PVT1: variants seen among roughly 807,000 people sequenced by gnomAD.
The protein encoded by PVT1 is Pvt1 oncogene.
chr8:127,959,103 A>T (rs966016746), intron 3 of PVT1, among the ~76,000 whole-genome samples: 5 of 152,096 alleles, frequency 3.3e-5, no homozygotes, highest in African/African-American at 4.8e-5. Context: ...TCTAAGGGAG[A>T]AAGAGCAGAA....
chr8:127,843,761 T>C (rs1416283887), intron 2 of PVT1, among the ~76,000 whole-genome samples: 1 of 147,068 alleles, frequency 6.8e-6, no homozygotes, highest in Non-Finnish European at 1.5e-5. Flanking sequence ...GCTGTTTTTT[T>C]AATAGGAGGT....
At chr8:127,916,281 T>C (rs2129856675) in intron 3 of PVT1, among the ~76,000 whole-genome samples, 1 of 152,310 alleles carries the variant, frequency 6.6e-6, no homozygotes, top group South Asian at 2.1e-4. Context: ...ATGTGCATGA[T>C]GGTTATTGTT....
At position 127,914,260 on chromosome 8, in the gene PVT1, C is replaced by CAAAAAA. The variant is rs60359946; in HGVS notation, n.782+23297_782+23302dup. On this transcript the variant is annotated intron_variant and non_coding_transcript_variant, in intron 3 of 10. Transcript: ENST00000651587. ...AATTAAACACCACCACCACCAACAG[C>CAAAAAA]AAAAAAAAAAAAAAAAAAAAAAAAA... is the stretch of plus-strand genomic sequence containing the variant. 3.4e-3 allele frequency among the ~76,000 whole-genome samples: 165 copies of CAAAAAA among 47,836 alleles called. 14 individuals are homozygous for CAAAAAA. Among genetic ancestry groups the CAAAAAA allele is most frequent in the Non-Finnish European group, 5.5e-3 (122 of 22,014 alleles). The allele number at this position is 47,836 out of a possible 152,430, so 31.4% of individuals were successfully genotyped here. A position where few individuals can be genotyped will look rare whatever the true frequency, so the allele number is the denominator to read the frequency against.
At chr8:128,035,635 G>C (rs1004315917) in intron 4 of PVT1, among the ~76,000 whole-genome samples, 25 of 152,206 alleles carry the variant, frequency 1.6e-4, no homozygotes, top group Non-Finnish European at 3.1e-4. Flanking sequence ...ATCTCACATG[G>C]CAAAAAGGAC....
chr8:128,027,934 C>G (rs972954734), intron 4 of PVT1, among the ~76,000 whole-genome samples: 2 of 152,206 alleles, frequency 1.3e-5, no homozygotes, highest in Non-Finnish European at 2.9e-5. Flanking sequence ...TGGCTCATAC[C>G]TGAGGCCCCC....
intron 5 of PVT1, among the ~76,000 whole-genome samples, chr8:128,077,557 T>A (rs183023523): frequency 2.0e-4 from 30 of 152,308 alleles, no homozygotes; most frequent in African/African-American, 7.2e-4. Flanking sequence ...ACCCTGGGCA[T>A]TTTTTCACAT....
At position 127,898,763 on chromosome 8, in the gene PVT1, T is replaced by C. The variant is rs1167982432; in HGVS notation, n.782+7765T>C. Among the ~76,000 whole-genome samples the C allele has an allele frequency of 1.3e-5, 2 of 152,200 alleles. No individual in the cohort carries two copies. Among genetic ancestry groups the C allele is most frequent in the Non-Finnish European group, 2.9e-5 (2 of 68,034 alleles). ...GCTTCTTCCCTCTCTCTCTGTCTTG[T>C]AGCCTTGTTAAAATAGTGGCCACAC... On this transcript the variant is annotated intron_variant and non_coding_transcript_variant, in intron 3 of 10. Coordinates refer to ENST00000651587, the Ensembl canonical transcript of PVT1. This position sits in a 1 kb window ranked among gnomAD's most constrained non-coding sequence, Gnocchi z 4.4.
intron 4 of PVT1, among the ~76,000 whole-genome samples, chr8:128,018,709 C>G (rs1817401076): frequency 6.6e-6 from 1 of 152,168 alleles, no homozygotes; most frequent in African/African-American, 2.4e-5. Flanking sequence ...GACATTGAAG[C>G]CCTGTGTGCT....
At chr8:128,051,149 G>A (rs929657452) in intron 4 of PVT1, among the ~76,000 whole-genome samples, 11 of 152,210 alleles carry the variant, frequency 7.2e-5, no homozygotes, top group Admixed American at 3.3e-4. Flanking sequence ...CACATGATAT[G>A]TTGTGTCTGT....
intron 3 of PVT1, among the ~76,000 whole-genome samples, chr8:127,979,896 C>T (rs1046896350): frequency 1.3e-5 from 2 of 152,116 alleles, no homozygotes; most frequent in Non-Finnish European, 2.9e-5. Context: ...GGTTTGTTTT[C>T]AGTGAAAGGG....
At chr8:127,896,500 T>C (rs2129814548) in intron 3 of PVT1, among the ~76,000 whole-genome samples, 1 of 152,302 alleles carries the variant, frequency 6.6e-6, no homozygotes, top group South Asian at 2.1e-4. Context: ...GAGTGTGGTT[T>C]TTAGAACAAA....
chr8:128,000,263 C>A (rs901647966), intron 4 of PVT1, among the ~76,000 whole-genome samples: 1 of 152,186 alleles, frequency 6.6e-6, no homozygotes, highest in Admixed American at 6.5e-5. Context: ...TGTAGTATCC[C>A]CCACCTGGCT....
At chr8:128,095,611 C>T (rs1376348689) in intron 5 of PVT1, among the ~76,000 whole-genome samples, 1 of 152,206 alleles carries the variant, frequency 6.6e-6, no homozygotes, top group East Asian at 1.9e-4. Context: ...GACTGCTTTC[C>T]TGCTATAGTG....
intron 4 of PVT1, among the ~76,000 whole-genome samples, chr8:128,044,013 T>TA (rs774062551): frequency 2.8e-5 from 1 of 35,138 alleles, no homozygotes; most frequent in South Asian, 9.8e-4. Flanking sequence ...TATTATTTAT[T>TA]TATTTTTTTT....
At chr8:127,839,127 C>T (rs979005318) in intron 2 of PVT1, among the ~76,000 whole-genome samples, 1 of 152,128 alleles carries the variant, frequency 6.6e-6, no homozygotes, top group Non-Finnish European at 1.5e-5. Context: ...AATTGCCTAA[C>T]GCCGCATTTC....
chr8:127,831,377 G>A (rs1814849427), intron 2 of PVT1, among the ~76,000 whole-genome samples: 1 of 152,094 alleles, frequency 6.6e-6, no homozygotes, highest in South Asian at 2.1e-4. Context: ...ACACGGGGAA[G>A]ATGGGCAGTA....
chr8:128,091,442 C>T (rs905197499), intron 5 of PVT1, among the ~76,000 whole-genome samples: 2 of 152,192 alleles, frequency 1.3e-5, no homozygotes, highest in African/African-American at 4.8e-5. Context: ...CCACATCACA[C>T]AGCACCCTGG....
chr8:128,030,296 T>A (rs983903138), intron 4 of PVT1, among the ~76,000 whole-genome samples: 3 of 152,224 alleles, frequency 2.0e-5, no homozygotes, highest in Non-Finnish European at 4.4e-5. Context: ...GTAATGCATT[T>A]TATATACTTT....
intron 5 of PVT1, among the ~76,000 whole-genome samples, chr8:128,092,852 G>T (rs913381451): frequency 3.3e-5 from 5 of 152,010 alleles, no homozygotes; most frequent in African/African-American, 1.2e-4. Flanking sequence ...AAATACTTTT[G>T]CACCGCCAGG....
Sources: allele counts gnomAD v4.1 joint callset (sites outside exome capture counted in the v4.1 genomes callset), GRCh38; gene constraint gnomAD v4.1.1; non-coding constraint Gnocchi (gnomAD v3.1); transcripts MANE v1.5; gene names NCBI Gene and HGNC (gene_info 2026-07-23, HGNC 2026-07-21).